TNRC6C: variants seen among roughly 807,000 people sequenced by gnomAD.
TNRC6C encodes trinucleotide repeat-containing gene 6C protein.
A neutral mutation model predicts 153.7 loss-of-function variants in TNRC6C; 20 were observed. The ratio of observed to expected loss-of-function variants is 0.13; its 90% CI spans 0.09 to 0.19. TNRC6C has a LOEUF of 0.19. Ranked by LOEUF, TNRC6C falls within the 10% of genes least tolerant of loss-of-function variation. The pLI is 1.00. For missense variants in TNRC6C, 1,987 were observed against 2,172.0 expected, an observed-to-expected ratio of 0.91 and a Z score of 1.69; for synonymous variants, 811 against 841.4, an observed-to-expected ratio of 0.96 and a Z score of 0.63.
rs762291512 is a variant in TNRC6C at position 78,050,652 on chromosome 17, G to A, written c.1590G>A (p.Ala530=). 1.1e-5 allele frequency: 17 copies of A among 1,562,682 alleles called. No individual in the cohort carries two copies. The Admixed American group carries it at 2.2e-4, about 20-fold the overall frequency. The change falls in exon 3 of 20, where the codon GCG becomes GCA. Residue 530 remains alanine, a synonymous_variant. Transcript: ENST00000301624. ...GTTGGGGAGACAGCAACAACAAAGC[G>A]CCAAGTGGCCCGGGGGTTTGGGGGG...
At chr17:78,015,237 T>G (rs1248984395) in intron 1 of TNRC6C, among the ~76,000 whole-genome samples, 1 of 152,206 alleles carries the variant, frequency 6.6e-6, no homozygotes, top group Non-Finnish European at 1.5e-5. Context: ...GTTTCTTAAG[T>G]TCTGAGATGA....
chr17:78,003,278 C>T (rs1402348864), upstream of TNRC6C, among the ~76,000 whole-genome samples: 1 of 152,062 alleles, frequency 6.6e-6, no homozygotes, highest in East Asian at 1.9e-4. Context: ...AACAGACAAC[C>T]AAGGGTTACT....
At chr17:77,971,887 A>T (rs1438699857) in intron 1 of TNRC6C, among the ~76,000 whole-genome samples, 1 of 151,594 alleles carries the variant, frequency 6.6e-6, no homozygotes, top group Non-Finnish European at 1.5e-5. Context: ...AAAAAAGAAC[A>T]TGTCAAAATT....
chr17:78,103,506 G>A, exon 19 of TNRC6C: 2 of 1,613,968 alleles, frequency 1.2e-6, no homozygotes, highest in South Asian at 1.1e-5. Flanking sequence ...CTGTGGTCCG[G>A]TACAGCTCCA....
At chr17:77,993,242 G>A (rs887538884) in intron 1 of TNRC6C, among the ~76,000 whole-genome samples, 3 of 152,204 alleles carry the variant, frequency 2.0e-5, no homozygotes, top group Non-Finnish European at 2.9e-5. Flanking sequence ...GATTACAGGC[G>A]TGAGCCACCG....
chr17:77,958,383 C>G (rs1292646346), upstream of TNRC6C, among the ~76,000 whole-genome samples: 1 of 151,982 alleles, frequency 6.6e-6, no homozygotes, highest in Non-Finnish European at 1.5e-5. Context: ...CCAGGACTGG[C>G]GCGCGTCCCG....
chr17:78,036,649 C>T (rs751578514), intron 2 of TNRC6C, among the ~76,000 whole-genome samples: 1 of 152,076 alleles, frequency 6.6e-6, no homozygotes, highest in Non-Finnish European at 1.5e-5. Context: ...ATAGGCCGGG[C>T]GCGTTGGCTC....
In TNRC6C at chr17:78,104,543, C is replaced by T. The variant is rs941025691; in HGVS notation, c.4771C>T (p.Arg1591Cys). ...GTTCGCTGGTGAAGAAGAAGTGAAT[C>T]GCTTCTTAGCCCAAGGCCAGGCGCT... Residue 1591 changes from arginine (R) to cysteine (C), a missense_variant, in exon 20 of 20, where the codon CGC (arginine) becomes TGC (cysteine). By Grantham distance (180) the Arg-to-Cys change is radical. Around this residue, in one of 4 missense-constraint regions of TNRC6C, gnomAD observed 139 missense variants for 148.5 expected, o/e 0.94. Coordinates refer to ENST00000301624, the Ensembl canonical transcript of TNRC6C. This position sits in a 1 kb window ranked among gnomAD's most constrained non-coding sequence, Gnocchi z 6.2. The T allele has an allele frequency of 1.3e-6, 2 of 1,540,828 alleles. No individual in the cohort carries two copies. The highest frequency in any genetic ancestry group is 1.7e-4 in the Middle Eastern group (1 of 5,872).
At position 78,014,896 on chromosome 17, in the gene TNRC6C, C is replaced by T. The variant is rs537376765; in HGVS notation, c.-546+9817C>T. Reference sequence around the variant, plus strand: ...TGATGAGCACAGCAGATGGACCCTCCGTACTCAGAGCTGTCTTCTGCTCGC... The same window carrying T: ...TGATGAGCACAGCAGATGGACCCTCTGTACTCAGAGCTGTCTTCTGCTCGC... On this transcript the variant is annotated intron_variant, in intron 1 of 19. Coordinates refer to ENST00000301624, the Ensembl canonical transcript of TNRC6C. 5.3e-5 allele frequency among the ~76,000 whole-genome samples: 8 copies of T among 151,988 alleles called. No homozygotes were observed. The South Asian group carries it at 8.3e-4, about 16-fold the overall frequency.
In TNRC6C at chr17:78,075,421, T is replaced by A. The variant is rs2073067697; in HGVS notation, c.3060+143T>A. On this transcript the variant is annotated intron_variant, in intron 8 of 19. Transcript: ENST00000301624. The surrounding 1 kb of genome is among the most constrained non-coding windows in gnomAD (Gnocchi z 4.2). ...TTTTATCCATTTTTTTCTAACATTA[T>A]GAACATTTAACTCAAAGAAGGGAAT... 2.1e-6 allele frequency: 2 copies of A among 972,270 alleles called. No individual in the cohort carries two copies. The highest frequency in any genetic ancestry group is 2.9e-5 in the Admixed American group (1 of 34,498). The allele number at this position is 972,270 out of a possible 1,614,324, so 60.2% of individuals were successfully genotyped here. A position where few individuals can be genotyped will look rare whatever the true frequency, so the allele number is the denominator to read the frequency against.
In TNRC6C at chr17:78,065,334, G is replaced by GC. The variant is rs1411414594; in HGVS notation, c.2611+398dup. On this transcript the variant is annotated intron_variant, in intron 4 of 19. Coordinates refer to ENST00000301624, the Ensembl canonical transcript of TNRC6C. ...ACCACTCATGAGCCTGAGCAATAGAGCAAGACCCCATCTCTTTAAAAAGGA... is the reference window on the plus strand; with the variant it reads ...ACCACTCATGAGCCTGAGCAATAGAGCCAAGACCCCATCTCTTTAAAAAGGA... 1.3e-4 allele frequency among the ~76,000 whole-genome samples: 19 copies of GC among 151,328 alleles called. No homozygotes were observed. In the East Asian group the frequency reaches 3.3e-3, roughly 26 times the overall value.
intron 10 of TNRC6C, among the ~76,000 whole-genome samples, chr17:78,081,579 G>T (rs1218473295): frequency 1.3e-5 from 2 of 152,190 alleles, no homozygotes; most frequent in African/African-American, 4.8e-5. Flanking sequence ...ATCTCTCTCA[G>T]GTTACAGTGC....
chr17:78,062,820 A>G (rs189294099), intron 3 of TNRC6C, among the ~76,000 whole-genome samples: 17 of 152,332 alleles, frequency 1.1e-4, no homozygotes, highest in Non-Finnish European at 1.9e-4. Flanking sequence ...TACCAAAAGT[A>G]TAACTTAGGA....
chr17:78,067,695 G>A, intron 4 of TNRC6C, 62 bp from the exon 7 acceptor site: 1 of 1,493,340 alleles, frequency 6.7e-7, no homozygotes, highest in Non-Finnish European at 8.9e-7. Flanking sequence ...ATATGTTACA[G>A]TGGAAGCATT....
intron 15 of TNRC6C, 58 bp downstream of exon 17, chr17:78,093,182 G>A: frequency 1.3e-6 from 2 of 1,554,014 alleles, no homozygotes; most frequent in Non-Finnish European, 1.8e-6. Flanking sequence ...CTCCAAGCCT[G>A]CAGAGAGTGA....
chr17:78,029,626 T>C (rs2072019770), intron 1 of TNRC6C, among the ~76,000 whole-genome samples: 1 of 152,208 alleles, frequency 6.6e-6, no homozygotes, highest in Non-Finnish European at 1.5e-5. Flanking sequence ...TAAAAAAATT[T>C]TTTTTCAGTA....
intron 18 of TNRC6C, 85 bp downstream of exon 21, chr17:78,102,629 G>A: frequency 1.4e-6 from 2 of 1,390,488 alleles, no homozygotes; most frequent in South Asian, 2.6e-5. Context: ...CTGTCTGGTG[G>A]GGCAGGATAG....
rs374942048 is a variant in TNRC6C, at chr17:78,038,402, G to A, written c.-219+6560G>A. ...AAAGTATTCCCTTGTGGCTGGGTGC[G>A]GTGGCTCACGCATGTAATCCCAGCA... On this transcript the variant is annotated intron_variant, in intron 2 of 19. Transcript: ENST00000301624. 1.7e-4 allele frequency among the ~76,000 whole-genome samples: 26 copies of A among 152,128 alleles called. No homozygotes were observed. In the East Asian group the frequency reaches 4.6e-3, roughly 27 times the overall value.
chr17:78,039,400 C>T (rs954386439), intron 2 of TNRC6C, among the ~76,000 whole-genome samples: 3 of 150,432 alleles, frequency 2.0e-5, no homozygotes, highest in African/African-American at 4.9e-5. Flanking sequence ...TTGGCCTGGG[C>T]ATTGGGCAGA....
Sources: allele counts gnomAD v4.1 joint callset (sites outside exome capture counted in the v4.1 genomes callset), GRCh38; gene constraint gnomAD v4.1.1; regional missense constraint gnomAD v4.1.1; non-coding constraint Gnocchi (gnomAD v3.1); transcripts MANE v1.5; gene names NCBI Gene and HGNC (gene_info 2026-07-23, HGNC 2026-07-21).